ROBO2: variants seen among roughly 807,000 people sequenced by gnomAD.
ROBO2 encodes the protein roundabout homolog 2.
In ROBO2, 53 loss-of-function variants were observed where a neutral mutation model predicts 160.8. That is an observed-to-expected ratio of 0.33 (90% CI 0.26 to 0.41). The LOEUF (loss-of-function observed/expected upper bound fraction) is 0.41, where lower values mean the gene tolerates loss of function less well. Among genes scored for constraint, ROBO2 ranks in the 10% least tolerant of loss-of-function variants. The pLI, the probability that ROBO2 is intolerant of heterozygous loss-of-function variation, is 1.00. For synonymous variants in ROBO2, 664 were observed against 611.7 expected, an observed-to-expected ratio of 1.09 and a Z score of -1.26; for missense variants, 1,577 against 1,722.4, an observed-to-expected ratio of 0.92 and a Z score of 1.49.
chr3:76,222,974 C>G (rs967263681), intron 2 of ROBO2, among the ~76,000 whole-genome samples: 2 of 151,954 alleles, frequency 1.3e-5, no homozygotes, highest in African/African-American at 4.8e-5. Context: ...AGGCTGGTCT[C>G]AAGTTCCTTA....
intron 2 of ROBO2, among the ~76,000 whole-genome samples, chr3:76,712,543 T>A (rs182792320): frequency 7.9e-5 from 12 of 151,966 alleles, no homozygotes; most frequent in Admixed American, 2.0e-4. Context: ...GGTGTGGTGG[T>A]ATGTGCCTGT....
chr3:76,764,590 A>T (rs988798333), intron 2 of ROBO2, among the ~76,000 whole-genome samples: 20 of 151,646 alleles, frequency 1.3e-4, no homozygotes, highest in African/African-American at 4.8e-4. Context: ...ACTACCACTT[A>T]TATATCTTAG....
At chr3:77,256,121 A>G (rs893755811) in intron 2 of ROBO2, among the ~76,000 whole-genome samples, 4 of 152,200 alleles carry the variant, frequency 2.6e-5, no homozygotes, top group Non-Finnish European at 4.4e-5. Context: ...TTTTGTCTGC[A>G]GGTTATTTGT....
intron 2 of ROBO2, among the ~76,000 whole-genome samples, chr3:77,346,803 C>T (rs28698247): frequency 2.6e-5 from 4 of 152,150 alleles, no homozygotes; most frequent in Non-Finnish European, 2.9e-5. Flanking sequence ...TCAAAGCCGG[C>T]AAAACGATCA....
rs146666866 is a variant in ROBO2, at chr3:76,166,024, G to A, written c.109+228422G>A. ...TCACTGATTGCAGATCACCACAACAGATACAATAATAATAAACATATTTGA... is the reference window on the plus strand; with the variant it reads ...TCACTGATTGCAGATCACCACAACAAATACAATAATAATAAACATATTTGA... On this transcript the variant is annotated intron_variant, in intron 2 of 26. Transcript: ENST00000487694. Among the ~76,000 whole-genome samples the A allele has an allele frequency of 3.3e-4, 50 of 151,918 alleles. No homozygotes were observed. In the East Asian group the frequency reaches 9.3e-3, roughly 28 times the overall value.
chr3:77,430,587 T>A (rs1403914021), intron 2 of ROBO2, among the ~76,000 whole-genome samples: 1 of 152,008 alleles, frequency 6.6e-6, no homozygotes, highest in Non-Finnish European at 1.5e-5. Context: ...TACTAGATTA[T>A]GAAGTGGGGC....
intron 2 of ROBO2, among the ~76,000 whole-genome samples, chr3:76,987,464 G>A (rs1010071035): frequency 2.0e-5 from 3 of 152,078 alleles, no homozygotes; most frequent in Non-Finnish European, 4.4e-5. Flanking sequence ...CTTGCTTCTA[G>A]CAGTATTCAC....
At chr3:76,215,381 C>T (rs910612965) in intron 2 of ROBO2, among the ~76,000 whole-genome samples, 10 of 152,038 alleles carry the variant, frequency 6.6e-5, no homozygotes, top group African/African-American at 1.7e-4. Context: ...GGAGGAAGTT[C>T]GAACCATGGC....
At chr3:77,221,498 T>C (rs1037076517) in intron 2 of ROBO2, among the ~76,000 whole-genome samples, 1 of 152,100 alleles carries the variant, frequency 6.6e-6, no homozygotes, top group African/African-American at 2.4e-5. Flanking sequence ...CTTTTGTGTA[T>C]CTCATATCTA....
intron 2 of ROBO2, among the ~76,000 whole-genome samples, chr3:76,908,492 G>A (rs1283006171): frequency 6.6e-6 from 1 of 152,176 alleles, no homozygotes; most frequent in Non-Finnish European, 1.5e-5. Context: ...AACTTTCAGA[G>A]TAGAAAGATT....
intron 2 of ROBO2, among the ~76,000 whole-genome samples, chr3:76,784,728 G>A (rs2062865450): frequency 6.6e-6 from 1 of 151,078 alleles, no homozygotes; most frequent in Non-Finnish European, 1.5e-5. Context: ...CCTCAAACTG[G>A]TTAGCAGGAA....
intron 2 of ROBO2, among the ~76,000 whole-genome samples, chr3:76,300,237 C>G (rs1322551412): frequency 6.6e-6 from 1 of 151,812 alleles, no homozygotes; most frequent in East Asian, 1.9e-4. Context: ...TCTACTTCAA[C>G]TTCAATGGCA....
chr3:77,276,355 G>C (rs1057276873), intron 2 of ROBO2, among the ~76,000 whole-genome samples: 2 of 152,044 alleles, frequency 1.3e-5, no homozygotes, highest in African/African-American at 2.4e-5. Context: ...TACTACTACA[G>C]ATAAACTGTA....
chr3:76,407,470 T>A (rs890276963), intron 2 of ROBO2, among the ~76,000 whole-genome samples: 2 of 144,598 alleles, frequency 1.4e-5, no homozygotes, highest in African/African-American at 5.4e-5. Context: ...AAAGTCAACA[T>A]AGTATGTTTG....
intron 2 of ROBO2, among the ~76,000 whole-genome samples, chr3:76,118,542 T>A (rs1004792370): frequency 1.8e-4 from 28 of 152,176 alleles, no homozygotes; most frequent in African/African-American, 6.5e-4. Flanking sequence ...AGTGTTAACA[T>A]GAGAAGCATA....
intron 2 of ROBO2, among the ~76,000 whole-genome samples, chr3:76,506,794 G>A (rs2080821631): frequency 1.3e-5 from 2 of 152,138 alleles, no homozygotes; most frequent in South Asian, 4.1e-4. Context: ...TCAAGGAGGA[G>A]TGATCCCTGA....
chr3:76,515,806 T>C (rs1025882784), intron 2 of ROBO2, among the ~76,000 whole-genome samples: 1 of 152,158 alleles, frequency 6.6e-6, no homozygotes, highest in East Asian at 1.9e-4. Context: ...TCATTCTCAG[T>C]GAACAAAATT....
intron 2 of ROBO2, among the ~76,000 whole-genome samples, chr3:77,155,905 G>A (rs893358970): frequency 2.0e-5 from 3 of 151,332 alleles, no homozygotes; most frequent in Admixed American, 2.0e-4. Flanking sequence ...GACCTCTTTC[G>A]TGGTCCCTTT....
At chr3:76,335,070 A>T (rs1265061579) in intron 2 of ROBO2, among the ~76,000 whole-genome samples, 1 of 151,514 alleles carries the variant, frequency 6.6e-6, no homozygotes, top group Non-Finnish European at 1.5e-5. Context: ...GGGTCTTGAA[A>T]TGTTGCCCAA....
Sources: gnomAD v4.1 joint callset for allele counts (sites outside exome capture counted in the v4.1 genomes callset) on GRCh38, gnomAD v4.1.1 for gene constraint, MANE v1.5 for transcripts, NCBI Gene and HGNC (gene_info 2026-07-23, HGNC 2026-07-21) for gene names.